NEK1: variants seen among roughly 807,000 people sequenced by gnomAD.
NEK1 encodes NIMA related kinase 1, also known as serine/threonine-protein kinase Nek1.
In NEK1, 137 loss-of-function variants were observed where a neutral mutation model predicts 182.1. That is an observed-to-expected ratio of 0.75 (90% confidence interval 0.65 to 0.87). The LOEUF is 0.87. Ranked by LOEUF, NEK1 falls within the 40% of genes least tolerant of loss-of-function variation. The pLI is 0.00. For missense variants in NEK1, 1,391 were observed against 1,494.4 expected (o/e 0.93, Z 1.14); for synonymous variants, 513 against 492.2 (o/e 1.04, Z -0.56).
rs748242188 is a variant in NEK1 at position 169,393,609 on chromosome 4, C to T, written c.*901G>A. On this transcript the variant is annotated 3_prime_UTR_variant, in exon 36 of 36. Coordinates refer to ENST00000507142, the MANE Select transcript of NEK1 (RefSeq NM_001199397.3). Reference sequence around the variant, plus strand: ...CCTCTCATAACAGAAAGAAGTTCAACAGGCAAACATTTCCCTCCCTAGGAT... The same window carrying T: ...CCTCTCATAACAGAAAGAAGTTCAATAGGCAAACATTTCCCTCCCTAGGAT... 1 of 152,202 alleles carries T rather than the reference C, an allele frequency of 6.6e-6. No homozygotes were observed. The highest frequency in any genetic ancestry group is 1.5e-5 in the Non-Finnish European group (1 of 68,034). 9.4% of individuals were successfully genotyped at this position (152,202 alleles called of 1,614,324 possible). A position where few individuals can be genotyped will look rare whatever the true frequency, so the allele number is the denominator to read the frequency against.
intron 23 of NEK1, chr4:169,506,568 C>T: frequency 6.6e-6 from 1 of 152,402 alleles, no homozygotes; most frequent in Non-Finnish European, 1.5e-5. Context: ...GCCTGGCCAA[C>T]ATGGTGAAAC....
chr4:169,514,539 CT>C (rs2149719900), intron 19 of NEK1, among the ~76,000 whole-genome samples: 1 of 152,306 alleles, frequency 6.6e-6, no homozygotes, highest in Non-Finnish European at 1.5e-5. Flanking sequence ...ACGAATTCAA[CT>C]TTTAAAACAG....
intron 5 of NEK1, among the ~76,000 whole-genome samples, chr4:169,596,607 G>A (rs150679966): frequency 1.4e-4 from 22 of 152,232 alleles, no homozygotes; most frequent in African/African-American, 4.1e-4. Context: ...ATGCAAACAG[G>A]AAGTATCACT....
intron 26 of NEK1, among the ~76,000 whole-genome samples, chr4:169,468,092 A>AT (rs1181890041): frequency 2.0e-5 from 3 of 152,030 alleles, no homozygotes; most frequent in Non-Finnish European, 2.9e-5. Context: ...TAAAGCAAAG[A>AT]TTTTTTTAAA....
At chr4:169,492,014 A>C (rs921305762) in intron 23 of NEK1, among the ~76,000 whole-genome samples, 4 of 152,228 alleles carry the variant, frequency 2.6e-5, no homozygotes, top group Non-Finnish European at 4.4e-5. Context: ...CACAAATGAG[A>C]ACGAGAAAGG....
At chr4:169,525,910 A>T (rs1225168732) in intron 19 of NEK1, among the ~76,000 whole-genome samples, 1 of 152,244 alleles carries the variant, frequency 6.6e-6, no homozygotes, top group Admixed American at 6.5e-5. Context: ...TTACTACGTG[A>T]TCTTGGGCAA....
intron 27 of NEK1, among the ~76,000 whole-genome samples, chr4:169,448,872 G>A (rs1292247080): frequency 5.9e-5 from 9 of 152,336 alleles, no homozygotes; most frequent in Middle Eastern, 3.4e-3. Flanking sequence ...CCTGGGAAGC[G>A]CAATGAGTCG....
At chr4:169,595,922 CA>C (rs56313001) in intron 5 of NEK1, among the ~76,000 whole-genome samples, 7,235 of 66,960 alleles carry the variant, frequency 0.11, 114 homozygotes, top group African/African-American at 0.2. Context: ...GACTCCACCT[CA>C]AAAAAAAAAA....
At chr4:169,509,084 C>G (rs1387898579) in intron 19 of NEK1, among the ~76,000 whole-genome samples, 4 of 152,102 alleles carry the variant, frequency 2.6e-5, no homozygotes, top group African/African-American at 9.7e-5. Flanking sequence ...CAGAGACCAG[C>G]TATCTTTGTG....
chr4:169,505,021 A>G (rs1753002314), intron 23 of NEK1, among the ~76,000 whole-genome samples: 1 of 150,702 alleles, frequency 6.6e-6, no homozygotes, highest in Admixed American at 6.6e-5. Context: ...ACCTACAAAA[A>G]TTAAAAGTAA....
intron 27 of NEK1, among the ~76,000 whole-genome samples, chr4:169,445,543 C>A (rs779266228): frequency 6.6e-6 from 1 of 151,938 alleles, no homozygotes; most frequent in Non-Finnish European, 1.5e-5. Context: ...GAGCTGGAGG[C>A]CATTATCCTA....
At chr4:169,554,910 AGGAACTCTCT>A (rs1488697578) in intron 18 of NEK1, 1 of 152,210 alleles carries the variant, frequency 6.6e-6, no homozygotes, top group Non-Finnish European at 1.5e-5. Flanking sequence ...AGGGGTACAT[AGGAACTCTCT>A]GTACTTTCCA....
intron 19 of NEK1, among the ~76,000 whole-genome samples, chr4:169,515,416 C>A (rs1319008492): frequency 6.6e-6 from 1 of 151,648 alleles, no homozygotes; most frequent in African/African-American, 2.4e-5. Flanking sequence ...CTGTTTACTT[C>A]TTCTTTCAGC....
intron 16 of NEK1, among the ~76,000 whole-genome samples, chr4:169,559,086 C>T (rs1407381825): frequency 1.3e-5 from 2 of 152,074 alleles, no homozygotes; most frequent in Non-Finnish European, 2.9e-5. Flanking sequence ...GAAAGCATTA[C>T]AGAAGTTTAT....
At chr4:169,483,716 A>G (rs1748521825) in intron 23 of NEK1, among the ~76,000 whole-genome samples, 1 of 151,882 alleles carries the variant, frequency 6.6e-6, no homozygotes, top group African/African-American at 2.4e-5. Flanking sequence ...AATACAAAAA[A>G]TTGGCCGGGC....
chr4:169,426,231 C>A lies in NEK1; in HGVS notation c.2889G>T (p.Ser963=). The A allele has an allele frequency of 6.2e-7, 1 of 1,612,534 alleles. No homozygotes were observed. The highest frequency in any genetic ancestry group is 1.1e-5 in the South Asian group (1 of 90,676). Residue 963 remains serine (S), a synonymous_variant, in exon 30 of 36, where the codon TCG becomes TCT. Coordinates refer to ENST00000507142, the MANE Select transcript of NEK1 (RefSeq NM_001199397.3). ...SEEKETKETQ[S]ADRITIQENE... ...TTTCCTGAATGGTGATCCTATCTGC[C>A]GACCTGCCACAGATGGGTACACCAA...
chr4:169,414,015 T>C (rs554208721), intron 31 of NEK1, among the ~76,000 whole-genome samples: 1 of 152,300 alleles, frequency 6.6e-6, no homozygotes, highest in African/African-American at 2.4e-5. Flanking sequence ...AGACTCAGTC[T>C]GAACAAAAAC....
chr4:169,449,124 G>A (rs1741196785), intron 27 of NEK1, among the ~76,000 whole-genome samples: 1 of 152,240 alleles, frequency 6.6e-6, no homozygotes, highest in South Asian at 2.1e-4. Flanking sequence ...CCATTGCTGA[G>A]GCTTGAGTAG....
intron 19 of NEK1, among the ~76,000 whole-genome samples, chr4:169,509,584 C>G (rs933940496): frequency 6.6e-6 from 1 of 152,042 alleles, no homozygotes; most frequent in Non-Finnish European, 1.5e-5. Context: ...AGTTTCTGAT[C>G]CCATTATGAC....
Sources: gnomAD v4.1 joint callset for allele counts (sites outside exome capture counted in the v4.1 genomes callset) on GRCh38, gnomAD v4.1.1 for gene constraint, MANE v1.5 for transcripts, NCBI Gene and HGNC (gene_info 2026-07-23, HGNC 2026-07-21) for gene names.